The following KDM2B variants were observed in gnomAD, a reference collection of about 807,000 sequenced individuals.
The protein encoded by KDM2B is lysine-specific demethylase 2B.
Under a neutral mutation model 150.0 loss-of-function variants are expected in KDM2B, and 26 were observed. The ratio of observed to expected loss-of-function variants is 0.17; its 90% CI spans 0.13 to 0.24. The LOEUF is 0.24. Among genes scored for constraint, KDM2B ranks in the 10% least tolerant of loss-of-function variants. KDM2B has a pLI of 1.00. For missense variants in KDM2B, 1,265 were observed against 1,816.9 expected (o/e 0.70, Z 5.52); for synonymous variants, 734 against 729.5 (o/e 1.01, Z -0.10).
intron 12 of KDM2B, among the ~76,000 whole-genome samples, chr12:121,471,444 A>G (rs1880761014): frequency 6.6e-6 from 1 of 152,116 alleles, no homozygotes; most frequent in African/African-American, 2.4e-5. Flanking sequence ...TGATCTGCCT[A>G]TCAGAGAGTG....
At chr12:121,551,592 G>A (rs1013538155) in intron 4 of KDM2B, among the ~76,000 whole-genome samples, 24 of 152,004 alleles carry the variant, frequency 1.6e-4, no homozygotes, top group African/African-American at 4.8e-4. Flanking sequence ...TCGCTCTGTC[G>A]CCCAGGTTGG....
At position 121,548,960 on chromosome 12, in the gene KDM2B, G is replaced by A. The variant is rs1555311280; in HGVS notation, c.600C>T (p.Asp200=). 1 of 1,614,106 alleles carries A rather than the reference G, an allele frequency of 6.2e-7. No individual in the cohort carries two copies. The highest frequency in any genetic ancestry group is 1.7e-5 in the Admixed American group (1 of 60,024). Residue 200 remains aspartate, a synonymous_variant, in exon 6 of 23, where the codon GAC becomes GAT. Transcript: ENST00000377071. ...CCTTCAGATGCTGGGGCCACATGTT[G>A]TCCACCCAGTCCACCAGGTCTACCT... ...PTVVDLVDWV[D]NMWPQHLKEK... is the part of the protein sequence containing the mutation.
At chr12:121,494,506 G>T (rs560602449) in intron 12 of KDM2B, 73 bp downstream of exon 12, 3 of 1,162,686 alleles carry the variant, frequency 2.6e-6, no homozygotes, top group East Asian at 2.5e-5. Flanking sequence ...CCAAAAAGTC[G>T]CGGCTGTTCA....
intron 12 of KDM2B, among the ~76,000 whole-genome samples, chr12:121,465,735 A>C (rs1223300858): frequency 1.3e-5 from 2 of 152,216 alleles, no homozygotes; most frequent in African/African-American, 4.8e-5. Context: ...GAGACATCAA[A>C]GCCCAGCTGA....
intron 4 of KDM2B, among the ~76,000 whole-genome samples, chr12:121,551,911 C>G (rs1222785473): frequency 6.6e-6 from 1 of 151,816 alleles, no homozygotes; most frequent in African/African-American, 2.4e-5. Context: ...AAAAAGGAAA[C>G]AAAAAAAGAA....
intron 9 of KDM2B, among the ~76,000 whole-genome samples, chr12:121,515,915 T>C (rs1886141808): frequency 6.6e-6 from 1 of 152,142 alleles, no homozygotes; most frequent in Non-Finnish European, 1.5e-5. Context: ...CTCCAGCTCC[T>C]TTCCTGAGAA....
intron 4 of KDM2B, among the ~76,000 whole-genome samples, chr12:121,564,384 G>A (rs939969613): frequency 3.3e-5 from 5 of 152,214 alleles, no homozygotes; most frequent in Admixed American, 1.3e-4. Context: ...CGTGAACCCG[G>A]GAGGCGGAGC....
At chr12:121,507,072 G>A (rs1885149240) in intron 11 of KDM2B, among the ~76,000 whole-genome samples, 1 of 150,760 alleles carries the variant, frequency 6.6e-6, no homozygotes, top group Non-Finnish European at 1.5e-5. Flanking sequence ...ACTCCAGCCT[G>A]GGCGACAGAG....
intron 6 of KDM2B, among the ~76,000 whole-genome samples, chr12:121,545,396 GA>G (rs148473079): frequency 2.0e-5 from 3 of 147,586 alleles, no homozygotes; most frequent in South Asian, 4.3e-4. Context: ...TTTAAAAAAA[GA>G]AAAAAAAATG....
chr12:121,569,893 G>C (rs1216693344), intron 4 of KDM2B, among the ~76,000 whole-genome samples: 21 of 151,326 alleles, frequency 1.4e-4, no homozygotes, highest in Middle Eastern at 3.4e-3. Flanking sequence ...TGACAGAGTG[G>C]AGTGGAGTGC....
downstream of KDM2B, among the ~76,000 whole-genome samples, chr12:121,426,027 A>C (rs968301282): frequency 6.6e-5 from 10 of 152,216 alleles, no homozygotes; most frequent in Middle Eastern, 3.4e-3. Context: ...TCTTCCTCCC[A>C]AAGTAATCTT....
At chr12:121,502,120 T>C (rs1442220670) in intron 11 of KDM2B, among the ~76,000 whole-genome samples, 5 of 152,206 alleles carry the variant, frequency 3.3e-5, no homozygotes, top group African/African-American at 1.2e-4. Context: ...CATTTGACCC[T>C]GCACCGGCCT....
At chr12:121,443,109 C>T (rs926589082) in intron 17 of KDM2B, 79 bp from the exon 18 acceptor site, 6 of 1,385,464 alleles carry the variant, frequency 4.3e-6, no homozygotes, top group Non-Finnish European at 5.0e-6. Context: ...CACCCCACCA[C>T]GAGTCCACAG....
intron 1 of KDM2B, chr12:121,579,585 G>A (rs992961798): frequency 1.2e-5 from 16 of 1,295,726 alleles, no homozygotes; most frequent in Non-Finnish European, 1.3e-5. Flanking sequence ...CCGCCACAAA[G>A]CTCGGATCGG....
At chr12:121,421,265 G>A in the KDM2B span, among the ~76,000 whole-genome samples, 2 of 150,414 alleles carry the variant, frequency 1.3e-5, no homozygotes, top group African/African-American at 4.9e-5. Context: ...GGCTGGGCTT[G>A]GTGGCTCACA....
At chr12:121,436,722 G>C (rs1265672640) in intron 22 of KDM2B, among the ~76,000 whole-genome samples, 1 of 152,188 alleles carries the variant, frequency 6.6e-6, no homozygotes, top group African/African-American at 2.4e-5. Flanking sequence ...AACGGCTTCT[G>C]TGAGTGTTCA....
intron 8 of KDM2B, among the ~76,000 whole-genome samples, chr12:121,527,081 T>G (rs1444658255): frequency 6.6e-6 from 1 of 151,738 alleles, no homozygotes; most frequent in African/African-American, 2.4e-5. Context: ...GGAGTCTCGC[T>G]CTGTCGCCCA....
chr12:121,531,531 CCATAT>C (rs1277552916), intron 8 of KDM2B, among the ~76,000 whole-genome samples: 1 of 152,184 alleles, frequency 6.6e-6, no homozygotes, highest in African/African-American at 2.4e-5. Flanking sequence ...CTTGAGTCAT[CCATAT>C]CTACTTTCTA....
intron 13 of KDM2B, among the ~76,000 whole-genome samples, chr12:121,450,899 C>T (rs1452359662): frequency 6.6e-6 from 1 of 152,004 alleles, no homozygotes; most frequent in Non-Finnish European, 1.5e-5. Context: ...TTCATGCACC[C>T]GTGGTGGGAA....
Sources: allele counts gnomAD v4.1 joint callset (sites outside exome capture counted in the v4.1 genomes callset), GRCh38; gene constraint gnomAD v4.1.1; transcripts MANE v1.5; gene names NCBI Gene and HGNC (gene_info 2026-07-23, HGNC 2026-07-21).